Variants in MTCH2 observed in about 807,000 individuals in gnomAD.
MTCH2 encodes the protein mitochondrial carrier homolog 2.
Under a neutral mutation model 50.6 loss-of-function variants are expected in MTCH2, and 25 were observed. That is an observed-to-expected ratio of 0.49 (90% CI 0.36 to 0.69). MTCH2 has a LOEUF of 0.69. Ranked by LOEUF, MTCH2 falls within the 30% of genes least tolerant of loss-of-function variation. The probability of loss-of-function intolerance (pLI) is 0.00; values close to 1 mark genes in which losing one functional copy is unlikely to be tolerated. For synonymous variants in MTCH2, 106 were observed against 132.0 expected (o/e 0.80, Z 1.35); for missense variants, 273 against 384.4 (o/e 0.71, Z 2.42).
chr11:47,630,758 A>G (rs1157196828), intron 7 of MTCH2, 144 bp from the exon 8 acceptor site: 7 of 798,104 alleles, frequency 8.8e-6, no homozygotes, highest in Non-Finnish European at 1.4e-5. Context: ...CTCTGCAAAG[A>G]TAGCTAAATT....
chr11:47,623,643 AAAAC>A (rs1364940053), intron 11 of MTCH2, among the ~76,000 whole-genome samples: 13 of 152,330 alleles, frequency 8.5e-5, no homozygotes, highest in African/African-American at 2.6e-4. Flanking sequence ...ACAAAACCAG[AAAAC>A]AAACAATGTA....
At chr11:47,636,279 C>T (rs1199973981) in intron 3 of MTCH2, among the ~76,000 whole-genome samples, 2 of 151,978 alleles carry the variant, frequency 1.3e-5, no homozygotes, top group African/African-American at 4.8e-5. Flanking sequence ...ACTAAAAGTA[C>T]AAAAATTAGC....
At chr11:47,640,736 C>T (rs1472176683) in intron 1 of MTCH2, among the ~76,000 whole-genome samples, 2 of 151,992 alleles carry the variant, frequency 1.3e-5, no homozygotes, top group Admixed American at 1.3e-4. Context: ...ATTTTTACAA[C>T]TGAGCATTTG....
intron 11 of MTCH2, among the ~76,000 whole-genome samples, chr11:47,625,456 A>G (rs184163709): frequency 1.3e-5 from 2 of 151,570 alleles, no homozygotes. Context: ...TAATTAATAA[A>G]TAAATACAAA....
downstream of MTCH2, among the ~76,000 whole-genome samples, chr11:47,614,384 T>C (rs1452234549): frequency 6.6e-6 from 1 of 152,172 alleles, no homozygotes; most frequent in East Asian, 1.9e-4. Flanking sequence ...TACTAACCAA[T>C]CTGTTCTCCT....
chr11:47,633,524 A>ATTTTTTTTTTT (rs1199068244), intron 5 of MTCH2, among the ~76,000 whole-genome samples: 1 of 55,308 alleles, frequency 1.8e-5, no homozygotes, highest in African/African-American at 9.1e-5. Flanking sequence ...ATATATATAT[A>ATTTTTTTTTTT]TATTTTTTTT....
chr11:47,636,966 T>TG (rs2097309267), intron 3 of MTCH2, among the ~76,000 whole-genome samples: 1 of 150,550 alleles, frequency 6.6e-6, no homozygotes, highest in Admixed American at 6.6e-5. Flanking sequence ...ACTCTGTTTT[T>TG]TTTTTTTTTT....
At chr11:47,627,863 C>T (rs910541079) in intron 9 of MTCH2, among the ~76,000 whole-genome samples, 1 of 152,056 alleles carries the variant, frequency 6.6e-6, no homozygotes, top group Non-Finnish European at 1.5e-5. Flanking sequence ...AATGATCAAC[C>T]TGATTCAATA....
chr11:47,607,937 A>G, the MTCH2 span, among the ~76,000 whole-genome samples: 1 of 152,204 alleles, frequency 6.6e-6, no homozygotes, highest in Admixed American at 6.5e-5. Context: ...TCTCATTAAG[A>G]TTCATACTTC....
intron 3 of MTCH2, among the ~76,000 whole-genome samples, chr11:47,638,080 C>T (rs1267919761): frequency 6.6e-6 from 1 of 152,102 alleles, no homozygotes; most frequent in East Asian, 1.9e-4. Context: ...TGTAATATTT[C>T]ACTGGACTAC....
intron 5 of MTCH2, among the ~76,000 whole-genome samples, chr11:47,633,702 A>G (rs893553567): frequency 1.1e-4 from 16 of 149,118 alleles, no homozygotes; most frequent in Admixed American, 2.7e-4. Flanking sequence ...ATGCCTGGCT[A>G]ATTTTTGTAT....
At chr11:47,635,629 C>A in intron 3 of MTCH2, 58 bp from the exon 4 acceptor site, 1 of 1,510,524 alleles carries the variant, frequency 6.6e-7, no homozygotes, top group Non-Finnish European at 9.0e-7. Context: ...TGAAAGAAGA[C>A]ATAAAATGAA....
downstream of MTCH2, among the ~76,000 whole-genome samples, chr11:47,615,921 G>A (rs1386970145): frequency 6.6e-6 from 1 of 151,928 alleles, no homozygotes; most frequent in Non-Finnish European, 1.5e-5. Context: ...TTTTACCCTA[G>A]TATTTTTATA....
Position 47,627,085 on chromosome 11 carries a change from T to C in MTCH2, c.676A>G (p.Thr226Ala). 6.3e-7 allele frequency: 1 copy of C among 1,596,720 alleles called. No homozygotes were observed. Among genetic ancestry groups the C allele is most frequent in the Non-Finnish European group, 8.5e-7 (1 of 1,170,338 alleles). ...NEMKSYSQAV[T>A]GFFASMLTYP... ...AAGGATTTTAAAAAACTCACTCCTG[T>C]GACAGCTTGAGAATAACTCTTCATT... Residue 226 changes from threonine (T) to alanine (A), a missense_variant, in exon 10 of 13, where the codon ACA (threonine) becomes GCA (alanine). Physicochemically the swap from Thr to Ala is moderately conservative, Grantham distance 58. Around this residue, in one of 2 missense-constraint regions of MTCH2, gnomAD observed 70 missense variants for 140.1 expected, o/e 0.50. Coordinates refer to ENST00000302503, the MANE Select transcript of MTCH2 (RefSeq NM_014342.4).
chr11:47,615,420 G>A (rs1314341245), downstream of MTCH2, among the ~76,000 whole-genome samples: 1 of 152,090 alleles, frequency 6.6e-6, no homozygotes, highest in Non-Finnish European at 1.5e-5. Flanking sequence ...AGGAGGGAGA[G>A]TTTGAAGGCA....
intron 12 of MTCH2, among the ~76,000 whole-genome samples, chr11:47,622,429 T>C (rs948070809): frequency 6.6e-6 from 1 of 152,174 alleles, no homozygotes; most frequent in African/African-American, 2.4e-5. Flanking sequence ...TATTTGTAAG[T>C]TGAATGTGGG....
chr11:47,627,674 A>G (rs1160182201), intron 9 of MTCH2, among the ~76,000 whole-genome samples: 1 of 149,320 alleles, frequency 6.7e-6, no homozygotes, highest in Non-Finnish European at 1.5e-5. Flanking sequence ...CTTGTTGCCC[A>G]GGCTGGAGGT....
At chr11:47,630,986 A>T in intron 7 of MTCH2, 50 bp downstream of exon 7, 3 of 1,393,830 alleles carry the variant, frequency 2.2e-6, no homozygotes, top group Non-Finnish European at 3.1e-6. Context: ...TTATTCTAGT[A>T]CTTTGGCTTC....
the MTCH2 span, among the ~76,000 whole-genome samples, chr11:47,610,531 C>T: frequency 1.3e-5 from 2 of 151,968 alleles, no homozygotes; most frequent in African/African-American, 2.4e-5. Flanking sequence ...ATGGCAAAAC[C>T]CCGTCTCTAC....
Sources: allele counts gnomAD v4.1 joint callset (sites outside exome capture counted in the v4.1 genomes callset), GRCh38; gene constraint gnomAD v4.1.1; regional missense constraint gnomAD v4.1.1; transcripts MANE v1.5; gene names NCBI Gene and HGNC (gene_info 2026-07-23, HGNC 2026-07-21).